Variants in ENTHD1 observed in about 807,000 individuals in gnomAD.
ENTHD1 encodes ENTH domain containing 1, also known as ENTH domain-containing protein 1.
A neutral mutation model predicts 39.1 loss-of-function variants in ENTHD1; 23 were observed. The ratio of observed to expected loss-of-function variants is 0.59; its 90% CI spans 0.42 to 0.83. The LOEUF (loss-of-function observed/expected upper bound fraction) is 0.83, where lower values mean the gene tolerates loss of function less well. ENTHD1 is among the 40% of genes least tolerant of loss of function. ENTHD1 has a pLI of 0.00. For missense variants in ENTHD1, 624 were observed against 705.4 expected (o/e 0.88, Z 1.31); for synonymous variants, 230 against 258.2 (o/e 0.89, Z 1.05).
rs116612292 is a variant in ENTHD1 at position 39,801,721 on chromosome 22, A to G, written c.832+19272T>C. 4.8e-3 allele frequency among the ~76,000 whole-genome samples: 734 copies of G among 152,326 alleles called. 6 individuals carry two copies. The highest frequency in any genetic ancestry group is 0.02 in the Middle Eastern group (6 of 294). ...AACATGTTGAGCTGTAATCAGAAAC[A>G]TGAGCAAAGACTACTAGATTTCTCC... On this transcript the variant is annotated intron_variant, in intron 5 of 6. Coordinates refer to ENST00000325157, the MANE Select transcript of ENTHD1 (RefSeq NM_152512.4).
At chr22:39,879,462 CAAAAAAAAAAAAA>C (rs34372930) in intron 2 of ENTHD1, among the ~76,000 whole-genome samples, 3 of 16,442 alleles carry the variant, frequency 1.8e-4, no homozygotes, top group African/African-American at 7.4e-4. Flanking sequence ...GACTCTGTCT[CAAAAAAAAAAAAA>C]AAAAAAAAAA....
chr22:39,746,932 A>G (rs1388429078), intron 6 of ENTHD1, among the ~76,000 whole-genome samples: 2 of 152,216 alleles, frequency 1.3e-5, no homozygotes, highest in African/African-American at 4.8e-5. Flanking sequence ...GTGGGTATTC[A>G]TGGTTAATTG....
intron 3 of ENTHD1, among the ~76,000 whole-genome samples, chr22:39,847,608 T>C (rs1190787803): frequency 6.7e-6 from 1 of 150,228 alleles, no homozygotes; most frequent in Non-Finnish European, 1.5e-5. Context: ...CTCAGGATGG[T>C]CTCAAATTCC....
intron 5 of ENTHD1, among the ~76,000 whole-genome samples, chr22:39,798,663 C>T (rs779848531): frequency 7.9e-5 from 12 of 152,156 alleles, no homozygotes; most frequent in Admixed American, 2.0e-4. Flanking sequence ...CCTTGGGCCC[C>T]TGGGCAGTAG....
At chr22:39,808,190 A>G (rs1371364197) in intron 5 of ENTHD1, among the ~76,000 whole-genome samples, 2 of 150,974 alleles carry the variant, frequency 1.3e-5, no homozygotes, top group Admixed American at 6.6e-5. Flanking sequence ...TACTGCTACT[A>G]TCATCACCCA....
intron 3 of ENTHD1, among the ~76,000 whole-genome samples, chr22:39,838,167 C>T (rs1040019192): frequency 4.6e-5 from 7 of 152,016 alleles, no homozygotes; most frequent in East Asian, 1.9e-4. Flanking sequence ...TGAGTATATT[C>T]GGTTAAATTA....
chr22:39,808,042 T>G (rs1569149119), intron 5 of ENTHD1, among the ~76,000 whole-genome samples: 1 of 152,166 alleles, frequency 6.6e-6, no homozygotes, highest in Non-Finnish European at 1.5e-5. Flanking sequence ...CTTTGCCACT[T>G]CCTAGTTCTG....
intron 2 of ENTHD1, among the ~76,000 whole-genome samples, chr22:39,872,298 C>T (rs897304871): frequency 3.0e-4 from 46 of 152,226 alleles, no homozygotes; most frequent in African/African-American, 1.1e-3. Context: ...AAAATATTTC[C>T]TATTTTATTT....
chr22:39,753,315 T>C (rs1162832171), intron 6 of ENTHD1, among the ~76,000 whole-genome samples: 1 of 152,222 alleles, frequency 6.6e-6, no homozygotes, highest in Non-Finnish European at 1.5e-5. Flanking sequence ...GTGTACATGA[T>C]CAAGTATCTA....
In ENTHD1 at chr22:39,861,940, T is replaced by G. The variant is rs2066144880; in HGVS notation, c.417A>C (p.Lys139Asn). 1.9e-6 allele frequency: 3 copies of G among 1,592,148 alleles called. No individual in the cohort carries two copies. In the African/African-American group the frequency reaches 4.0e-5, roughly 21 times the overall value. ...TAGTCCGACATGCCACTTCCCTCTC[T>G]TTACACAGCAATGGTTCATCCATCA... ...TLLMDEPLLCKEREVACRTRQ... is the reference protein window; with the variant it reads ...TLLMDEPLLCNEREVACRTRQ... The change falls in exon 3 of 7, where the codon AAA becomes AAC. Residue 139 changes from lysine to asparagine, a missense_variant. Lys to Asn is a moderately conservative substitution (Grantham distance 94). Coordinates refer to ENST00000325157, the MANE Select transcript of ENTHD1 (RefSeq NM_152512.4).
At chr22:39,862,110 GAAAAAACCTGCAGC>G in intron 2 of ENTHD1, 103 bp from the exon 3 acceptor site, 2 of 869,124 alleles carry the variant, frequency 2.3e-6, no homozygotes, top group South Asian at 9.3e-5. Flanking sequence ...TCTCAGCAGT[GAAAAAACCTGCAGC>G]AAATAAAGAA....
chr22:39,764,434 C>A (rs746845766), intron 6 of ENTHD1, among the ~76,000 whole-genome samples: 2 of 152,216 alleles, frequency 1.3e-5, no homozygotes, highest in African/African-American at 2.4e-5. Flanking sequence ...GCTATGATTG[C>A]ACTGATTGCA....
chr22:39,776,764 A>T (rs2065368632), intron 5 of ENTHD1, among the ~76,000 whole-genome samples: 1 of 152,244 alleles, frequency 6.6e-6, no homozygotes, highest in Non-Finnish European at 1.5e-5. Flanking sequence ...TACTTTTGCC[A>T]GTTTGCAGAT....
At chr22:39,816,860 T>C (rs963619378) in intron 5 of ENTHD1, among the ~76,000 whole-genome samples, 6 of 151,840 alleles carry the variant, frequency 4.0e-5, no homozygotes, top group African/African-American at 1.2e-4. Context: ...CTGAAAGATA[T>C]TTGCAACATA....
chr22:39,755,048 C>G (rs907078067), intron 6 of ENTHD1, among the ~76,000 whole-genome samples: 3 of 152,292 alleles, frequency 2.0e-5, no homozygotes, highest in East Asian at 1.9e-4. Context: ...ATATTGAATA[C>G]TGACTATGTG....
At chr22:39,857,427 G>T (rs992146130) in intron 3 of ENTHD1, among the ~76,000 whole-genome samples, 1 of 105,592 alleles carries the variant, frequency 9.5e-6, no homozygotes, top group East Asian at 3.2e-4. Flanking sequence ...TGGACAGCAA[G>T]AGTGAAACTC....
chr22:39,838,564 C>CTA (rs1463621368), intron 3 of ENTHD1, among the ~76,000 whole-genome samples: 1 of 152,050 alleles, frequency 6.6e-6, no homozygotes, highest in Non-Finnish European at 1.5e-5. Flanking sequence ...CTGAGCCCTG[C>CTA]TTGTAGCTAG....
At chr22:39,769,917 A>G (rs547717473) in intron 5 of ENTHD1, among the ~76,000 whole-genome samples, 37 of 152,314 alleles carry the variant, frequency 2.4e-4, no homozygotes, top group Non-Finnish European at 4.9e-4. Context: ...ATGGAAACTG[A>G]TTCTCACAAC....
At chr22:39,774,483 C>T (rs749137747) in intron 5 of ENTHD1, among the ~76,000 whole-genome samples, 6 of 152,054 alleles carry the variant, frequency 3.9e-5, no homozygotes, top group Non-Finnish European at 7.4e-5. Context: ...TTTGCTTTAC[C>T]TCTGTTAATA....
Sources: allele counts gnomAD v4.1 joint callset (sites outside exome capture counted in the v4.1 genomes callset), GRCh38; gene constraint gnomAD v4.1.1; transcripts MANE v1.5; gene names NCBI Gene and HGNC (gene_info 2026-07-23, HGNC 2026-07-21).